FHOD3: variants seen among roughly 807,000 people sequenced by gnomAD.
FHOD3 encodes formin homology 2 domain containing 3, also known as FH1/FH2 domain-containing protein 3.
A neutral mutation model predicts 173.0 loss-of-function variants in FHOD3; 90 were observed. That is an observed-to-expected ratio of 0.52 (90% CI 0.44 to 0.62). FHOD3 has a LOEUF of 0.62. Among genes scored for constraint, FHOD3 ranks in the 20% least tolerant of loss-of-function variants. The pLI is 0.00. For synonymous variants in FHOD3, 828 were observed against 823.0 expected (o/e 1.01, Z -0.10); for missense variants, 1,945 against 2,034.7 (o/e 0.96, Z 0.85).
chr18:36,576,176 A>G (rs2058641237), intron 5 of FHOD3, among the ~76,000 whole-genome samples: 1 of 152,230 alleles, frequency 6.6e-6, no homozygotes, highest in African/African-American at 2.4e-5. Context: ...AAAAACATGC[A>G]TTTATACATC....
chr18:36,305,123 AT>A, intron 1 of FHOD3, among the ~76,000 whole-genome samples: 1 of 152,292 alleles, frequency 6.6e-6, no homozygotes, highest in African/African-American at 2.4e-5. Flanking sequence ...AAGATCAATT[AT>A]TTTTTGAAAA....
intron 3 of FHOD3, among the ~76,000 whole-genome samples, chr18:36,424,593 A>G (rs576306968): frequency 6.6e-5 from 10 of 152,198 alleles, no homozygotes; most frequent in African/African-American, 2.2e-4. Flanking sequence ...TGTTGAATGA[A>G]TGAATCTCAG....
chr18:36,726,909 G>A (rs533026322), intron 19 of FHOD3, among the ~76,000 whole-genome samples: 17 of 152,280 alleles, frequency 1.1e-4, no homozygotes, highest in East Asian at 1.9e-4. Context: ...TCTTGACCTC[G>A]TGATCTGCCC....
chr18:36,477,946 A>AACATGTGC (rs1338373056), intron 3 of FHOD3, among the ~76,000 whole-genome samples: 1 of 152,192 alleles, frequency 6.6e-6, no homozygotes, highest in Non-Finnish European at 1.5e-5. Context: ...GTCCTGGCCC[A>AACATGTGC]ACATGTGCAC....
intron 10 of FHOD3, among the ~76,000 whole-genome samples, chr18:36,633,014 TTG>T (rs1401486289): frequency 1.3e-5 from 2 of 152,192 alleles, no homozygotes; most frequent in African/African-American, 4.8e-5. Flanking sequence ...GTTCCAGGGT[TTG>T]TGTCTTTTCT....
At chr18:36,435,615 T>C (rs1418739707) in intron 3 of FHOD3, among the ~76,000 whole-genome samples, 3 of 152,142 alleles carry the variant, frequency 2.0e-5, no homozygotes, top group African/African-American at 7.2e-5. Flanking sequence ...GACATCGCTT[T>C]CCAATGATAT....
In FHOD3 at chr18:36,738,694, T is replaced by C. The variant is rs1332953528; in HGVS notation, c.3577-1962T>C. Among the ~76,000 whole-genome samples the C allele has an allele frequency of 2.6e-5, 4 of 152,352 alleles. No homozygotes were observed. In the South Asian group the frequency reaches 8.3e-4, roughly 32 times the overall value. On this transcript the variant is annotated intron_variant, in intron 20 of 28. Coordinates refer to ENST00000590592, the MANE Select transcript of FHOD3 (RefSeq NM_001281740.3). ...CTAACACCATTTGTTGAAAATAATA[T>C]CCTCTCTCTATTGAATTGCCTTGCA...
At chr18:36,646,005 G>A (rs963998260) in intron 10 of FHOD3, among the ~76,000 whole-genome samples, 1 of 152,082 alleles carries the variant, frequency 6.6e-6, no homozygotes, top group African/African-American at 2.4e-5. Context: ...CTGAGATTTG[G>A]AACAAGAAAA....
intron 1 of FHOD3, among the ~76,000 whole-genome samples, chr18:36,325,902 A>G (rs1300398472): frequency 6.6e-6 from 1 of 152,268 alleles, no homozygotes; most frequent in Non-Finnish European, 1.5e-5. Context: ...TTGAGCAGGC[A>G]AGAATTCCAT....
chr18:36,610,470 G>T (rs753284307), intron 8 of FHOD3, among the ~76,000 whole-genome samples: 4 of 152,326 alleles, frequency 2.6e-5, no homozygotes, highest in South Asian at 2.1e-4. Context: ...CATACGTGGC[G>T]TGGCGGCCCA....
At chr18:36,355,203 C>T (rs1219138768) in intron 1 of FHOD3, among the ~76,000 whole-genome samples, 1 of 152,144 alleles carries the variant, frequency 6.6e-6, no homozygotes, top group African/African-American at 2.4e-5. Context: ...ACAGCAGCAT[C>T]GTGATCTCGA....
rs780320903 is a variant in FHOD3, at chr18:36,755,326, A to C, written c.4425+15A>C. 6.5e-7 allele frequency: 1 copy of C among 1,534,276 alleles called. No individual in the cohort carries two copies. The highest frequency in any genetic ancestry group is 8.8e-7 in the Non-Finnish European group (1 of 1,133,708). ...TGATCACCGATGTAAGTTTCACACAATCCCTCTCCTTATGTCATTCGTTTT... is the reference window on the plus strand; with the variant it reads ...TGATCACCGATGTAAGTTTCACACACTCCCTCTCCTTATGTCATTCGTTTT... On this transcript the variant is annotated intron_variant, in intron 25 of 28. Transcript: ENST00000590592.
intron 2 of FHOD3, among the ~76,000 whole-genome samples, chr18:36,358,402 G>T (rs2046459284): frequency 6.6e-6 from 1 of 152,188 alleles, no homozygotes; most frequent in African/African-American, 2.4e-5. Context: ...CTCCACAGCT[G>T]TTCCCAAAGA....
chr18:36,779,260 C>G, intron 28 of FHOD3, 188 bp from the exon 29 acceptor site: 1 of 587,484 alleles, frequency 1.7e-6, no homozygotes, highest in Non-Finnish European at 3.0e-6. Context: ...TAGCCCCAAA[C>G]TTTTGTCCTG....
intron 1 of FHOD3, among the ~76,000 whole-genome samples, chr18:36,350,414 G>A (rs1427674392): frequency 6.6e-6 from 1 of 152,092 alleles, no homozygotes; most frequent in African/African-American, 2.4e-5. Context: ...TTCCTTAATC[G>A]CTGTACTTCT....
chr18:36,642,183 T>C (rs992865747), intron 10 of FHOD3, among the ~76,000 whole-genome samples: 2 of 152,044 alleles, frequency 1.3e-5, no homozygotes, highest in Non-Finnish European at 2.9e-5. Context: ...AAAATAACTA[T>C]TAGATATTAG....
chr18:36,681,443 C>A lies in FHOD3; in HGVS notation c.1843C>A (p.Pro615Thr). Reference sequence around the variant, plus strand: ...AACTCATTGTATCTCCAGGTCATCACCGAGTGGTCTTCTCACATCATCCTT... The same window carrying A: ...AACTCATTGTATCTCCAGGTCATCAACGAGTGGTCTTCTCACATCATCCTT... ...PQEARLERSS[P>T]SGLLTSSFRQ... Residue 615 changes from proline (P) to threonine (T), a missense_variant, in exon 15 of 29, where the codon CCG becomes ACG. Pro to Thr is a conservative substitution (Grantham distance 38). Coordinates refer to ENST00000590592, the MANE Select transcript of FHOD3 (RefSeq NM_001281740.3). 1 of 1,613,720 alleles carries A rather than the reference C, an allele frequency of 6.2e-7. No individual in the cohort carries two copies. The highest frequency in any genetic ancestry group is 8.5e-7 in the Non-Finnish European group (1 of 1,179,810).
intron 3 of FHOD3, among the ~76,000 whole-genome samples, chr18:36,452,890 A>G (rs2051949322): frequency 6.6e-6 from 1 of 152,084 alleles, no homozygotes; most frequent in Non-Finnish European, 1.5e-5. Context: ...GTGTATATAT[A>G]TGCATGCCAT....
chr18:36,590,715 C>CA (rs552604545), intron 6 of FHOD3, among the ~76,000 whole-genome samples: 51 of 151,746 alleles, frequency 3.4e-4, no homozygotes, highest in Non-Finnish European at 5.7e-4. Flanking sequence ...ATTACAGTGC[C>CA]AAAAAAGCTC....
Sources: gnomAD v4.1 joint callset for allele counts (sites outside exome capture counted in the v4.1 genomes callset) on GRCh38, gnomAD v4.1.1 for gene constraint, MANE v1.5 for transcripts, NCBI Gene and HGNC (gene_info 2026-07-23, HGNC 2026-07-21) for gene names.